CCDC60: variants seen among roughly 807,000 people sequenced by gnomAD.
The protein encoded by CCDC60 is coiled-coil domain containing 60, also known as coiled-coil domain-containing protein 60.
A neutral mutation model predicts 63.5 loss-of-function variants in CCDC60; 54 were observed. The observed-to-expected ratio is 0.85, with a 90% CI of 0.68 to 1.07. The LOEUF (loss-of-function observed/expected upper bound fraction) is 1.07, where lower values mean the gene tolerates loss of function less well. Ranked by LOEUF, CCDC60 falls within the 50% of genes least tolerant of loss-of-function variation. CCDC60 has a pLI of 0.00. For missense variants in CCDC60, 651 were observed against 684.3 expected, an observed-to-expected ratio of 0.95 and a Z score of 0.54; for synonymous variants, 206 against 238.8, an observed-to-expected ratio of 0.86 and a Z score of 1.27.
intron 2 of CCDC60, chr12:119,433,590 C>T: frequency 2.8e-6 from 2 of 702,372 alleles, no homozygotes; most frequent in Non-Finnish European, 5.2e-6. Context: ...GCACAAACTC[C>T]CTGACCCCAT....
At chr12:119,476,252 G>GA (rs1022458016) in intron 3 of CCDC60, among the ~76,000 whole-genome samples, 6 of 151,798 alleles carry the variant, frequency 4.0e-5, no homozygotes, top group South Asian at 4.2e-4. Flanking sequence ...TGAAAAGGTG[G>GA]AAAAAAAAGT....
intron 6 of CCDC60, among the ~76,000 whole-genome samples, chr12:119,504,139 T>A (rs1951928900): frequency 6.6e-6 from 1 of 152,200 alleles, no homozygotes; most frequent in South Asian, 2.1e-4. Context: ...TTTTGAAGTA[T>A]TTTGAAGCCA....
chr12:119,448,283 C>G (rs1950575857), intron 2 of CCDC60, among the ~76,000 whole-genome samples: 3 of 151,996 alleles, frequency 2.0e-5, no homozygotes, highest in Admixed American at 6.5e-5. Flanking sequence ...AGTGGTATAT[C>G]TTAAATATAA....
chr12:119,424,877 G>A (rs1221904839), intron 1 of CCDC60, among the ~76,000 whole-genome samples: 1 of 152,202 alleles, frequency 6.6e-6, no homozygotes, highest in Admixed American at 6.5e-5. Flanking sequence ...GTGAGGCTTG[G>A]GGGTGCGTGC....
chr12:119,445,498 A>AG (rs1476497834), intron 2 of CCDC60, among the ~76,000 whole-genome samples: 2 of 150,768 alleles, frequency 1.3e-5, no homozygotes. Context: ...AGCTAAAAAA[A>AG]AAAAAAAAAT....
Position 119,494,988 on chromosome 12 carries a change from G to A in CCDC60, c.558-5090G>A, listed in dbSNP as rs58934674. On this transcript the variant is annotated intron_variant, in intron 5 of 13. Transcript: ENST00000327554. Reference sequence around the variant, plus strand: ...AAAAGCAAATCTCCGTCTCAAATATGACACAAACATCAAAATCCATCTACT... The same window carrying A: ...AAAAGCAAATCTCCGTCTCAAATATAACACAAACATCAAAATCCATCTACT... Among the ~76,000 whole-genome samples the A allele has an allele frequency of 4.6e-3, 702 of 152,206 alleles. 6 individuals are homozygous for A. The highest frequency in any genetic ancestry group is 0.016 in the African/African-American group (662 of 41,546).
intron 1 of CCDC60, among the ~76,000 whole-genome samples, chr12:119,387,614 A>ATCTT (rs1956083341): frequency 6.6e-6 from 1 of 152,152 alleles, no homozygotes; most frequent in African/African-American, 2.4e-5. Flanking sequence ...ATATATATGA[A>ATCTT]TCTTTACACA....
intron 1 of CCDC60, among the ~76,000 whole-genome samples, chr12:119,377,378 C>T (rs1189762607): frequency 6.6e-6 from 1 of 151,132 alleles, no homozygotes; most frequent in East Asian, 1.9e-4. Flanking sequence ...GTCTCTGTAA[C>T]CACAAAAATC....
At chr12:119,516,049 G>A (rs1679188771) in intron 7 of CCDC60, among the ~76,000 whole-genome samples, 1 of 152,092 alleles carries the variant, frequency 6.6e-6, no homozygotes, top group African/African-American at 2.4e-5. Context: ...GCTGGATCCT[G>A]GCAGGCCTCA....
intron 4 of CCDC60, among the ~76,000 whole-genome samples, chr12:119,483,720 G>C (rs1035105313): frequency 1.3e-5 from 2 of 152,208 alleles, no homozygotes; most frequent in African/African-American, 2.4e-5. Flanking sequence ...AGCTATTCAG[G>C]TGTGCTGACT....
chr12:119,391,898 G>T (rs1287959455), intron 1 of CCDC60, among the ~76,000 whole-genome samples: 1 of 149,664 alleles, frequency 6.7e-6, no homozygotes, highest in East Asian at 1.9e-4. Flanking sequence ...GAGTTGTGTG[G>T]CACGTCTGAG....
intron 1 of CCDC60, among the ~76,000 whole-genome samples, chr12:119,374,717 A>G (rs1299263475): frequency 6.6e-6 from 1 of 152,150 alleles, no homozygotes; most frequent in Non-Finnish European, 1.5e-5. Context: ...GTGTATTTAT[A>G]GTTAGTTCTT....
chr12:119,453,333 T>C (rs1212429055), intron 2 of CCDC60, among the ~76,000 whole-genome samples: 1 of 152,214 alleles, frequency 6.6e-6, no homozygotes, highest in East Asian at 1.9e-4. Flanking sequence ...CGTCATTTTC[T>C]TTAATGAAGA....
chr12:119,446,883 C>T (rs528367715), intron 2 of CCDC60, among the ~76,000 whole-genome samples: 4 of 152,116 alleles, frequency 2.6e-5, no homozygotes, highest in East Asian at 1.9e-4. Context: ...ATATCCCAGA[C>T]GGAGAAAGCA....
chr12:119,370,909 G>A (rs368466551), intron 1 of CCDC60, among the ~76,000 whole-genome samples: 5 of 152,248 alleles, frequency 3.3e-5, no homozygotes, highest in African/African-American at 1.2e-4. Flanking sequence ...GCACACCCCT[G>A]TAGTCCCAGG....
chr12:119,421,524 T>C (rs1468319212), intron 1 of CCDC60, among the ~76,000 whole-genome samples: 1 of 152,176 alleles, frequency 6.6e-6, no homozygotes, highest in Non-Finnish European at 1.5e-5. Context: ...TAAGCCTCTA[T>C]TTGCTGTCCT....
rs770793097 is a variant in CCDC60 at position 119,530,996 on chromosome 12, TCCTGAAGGTGCTGCA to T, written c.1485_1499del (p.Leu496_Gln500del). ...GACTTGCGGATTCGACCCCATGTCC[TCCTGAAGGTGCTGCA>T]GGATCTGAGGATTTGGGAACTGTGC... On this transcript the variant is annotated inframe_deletion, in exon 13 of 14. Coordinates refer to ENST00000327554, the MANE Select transcript of CCDC60 (RefSeq NM_178499.5). 1.2e-6 allele frequency: 2 copies of T among 1,614,182 alleles called. No homozygotes were observed. The highest frequency in any genetic ancestry group is 3.3e-5 in the Admixed American group (2 of 60,024).
intron 2 of CCDC60, among the ~76,000 whole-genome samples, chr12:119,444,639 G>A (rs891610457): frequency 6.6e-6 from 1 of 152,130 alleles, no homozygotes; most frequent in African/African-American, 2.4e-5. Flanking sequence ...TGCTTCTCAT[G>A]GCCACAAGGT....
At chr12:119,359,870 G>T (rs545558004) in intron 1 of CCDC60, among the ~76,000 whole-genome samples, 1 of 151,740 alleles carries the variant, frequency 6.6e-6, no homozygotes, top group Non-Finnish European at 1.5e-5. Flanking sequence ...AGATCAACAG[G>T]ATCCCAAGGC....
Sources: allele counts gnomAD v4.1 joint callset (sites outside exome capture counted in the v4.1 genomes callset), GRCh38; gene constraint gnomAD v4.1.1; transcripts MANE v1.5; gene names NCBI Gene and HGNC (gene_info 2026-07-23, HGNC 2026-07-21).